The following TOX variants were observed in gnomAD, a reference collection of about 807,000 sequenced individuals.
TOX encodes thymocyte selection-associated high mobility group box protein TOX.
TOX carries 11 observed loss-of-function variants against 53.7 expected under a neutral mutation model. The observed-to-expected ratio is 0.20, with a 90% CI of 0.13 to 0.34. The LOEUF (loss-of-function observed/expected upper bound fraction) is 0.34. TOX is among the 10% of genes least tolerant of loss of function. TOX has a pLI of 1.00. For synonymous variants in TOX, 225 were observed against 245.3 expected (o/e 0.92, Z 0.77); for missense variants, 570 against 664.6 (o/e 0.86, Z 1.56).
intron 1 of TOX, among the ~76,000 whole-genome samples, chr8:58,961,427 A>C (rs1335581682): frequency 6.6e-6 from 1 of 152,216 alleles, no homozygotes; most frequent in Non-Finnish European, 1.5e-5. Flanking sequence ...AAATAGTACA[A>C]GTGGAAAAAG....
intron 3 of TOX, among the ~76,000 whole-genome samples, chr8:58,930,714 A>G (rs1403323829): frequency 6.6e-6 from 1 of 152,224 alleles, no homozygotes; most frequent in Admixed American, 6.5e-5. Flanking sequence ...CTCCAGGTAT[A>G]TAACTGCTAT....
rs1227504857 is a variant in TOX at position 59,118,992 on chromosome 8, C to T, written c.-5G>A. ...TGGATAAAATCTTACGTCCATTTCA[C>T]TCTCACATCAAGCAACTCCTTTTCT... On this transcript the variant is annotated 5_prime_UTR_variant, in exon 1 of 9. In the 5' UTR this introduces an upstream ATG that the reference lacks. Transcript: ENST00000361421. This position sits in a 1 kb window ranked among gnomAD's most constrained non-coding sequence, Gnocchi z 4.1. 1 of 1,591,702 alleles carries T rather than the reference C, an allele frequency of 6.3e-7. No individual in the cohort carries two copies. The highest frequency in any genetic ancestry group is 1.4e-5 in the African/African-American group (1 of 73,274).
At chr8:58,968,259 T>C (rs1353676535) in intron 1 of TOX, among the ~76,000 whole-genome samples, 3 of 152,220 alleles carry the variant, frequency 2.0e-5, no homozygotes, top group African/African-American at 4.8e-5. Flanking sequence ...AATGAAGATA[T>C]GGATTTTACA....
At chr8:58,970,423 T>C (rs944935152) in intron 1 of TOX, among the ~76,000 whole-genome samples, 8 of 152,174 alleles carry the variant, frequency 5.3e-5, no homozygotes, top group African/African-American at 1.7e-4. Flanking sequence ...TAGATGATCA[T>C]AGAATTTATC....
chr8:58,968,805 A>G (rs115468495), intron 1 of TOX, among the ~76,000 whole-genome samples: 3,609 of 152,308 alleles, frequency 0.024, 139 homozygotes, highest in African/African-American at 0.082. Context: ...AAAACAAAAA[A>G]TAAGACTAGT....
At chr8:58,977,729 G>C (rs970741102) in intron 1 of TOX, among the ~76,000 whole-genome samples, 1 of 152,120 alleles carries the variant, frequency 6.6e-6, no homozygotes, top group Non-Finnish European at 1.5e-5. Context: ...TCTGAGGAGA[G>C]GGGGAAAAAT....
At chr8:58,874,233 T>TA (rs72125256) in intron 3 of TOX, among the ~76,000 whole-genome samples, 1 of 151,636 alleles carries the variant, frequency 6.6e-6, no homozygotes, top group Admixed American at 6.6e-5. Flanking sequence ...TAGATTTTTT[T>TA]AAAAAAAACT....
At chr8:59,060,433 C>A (rs139513702) in intron 1 of TOX, among the ~76,000 whole-genome samples, 3,116 of 152,310 alleles carry the variant, frequency 0.02, 38 homozygotes, top group African/African-American at 0.035. Flanking sequence ...TGAGACCAGC[C>A]TGGCCAACAC....
chr8:58,834,716 C>T (rs892502779), intron 5 of TOX, among the ~76,000 whole-genome samples: 5 of 152,180 alleles, frequency 3.3e-5, no homozygotes, highest in African/African-American at 1.2e-4. Flanking sequence ...GTGGCCCAGC[C>T]GGTGCAATGT....
intron 1 of TOX, among the ~76,000 whole-genome samples, chr8:59,109,340 A>C (rs1353192478): frequency 1.3e-5 from 2 of 152,218 alleles, no homozygotes; most frequent in Non-Finnish European, 2.9e-5. Flanking sequence ...AATCTCTTCT[A>C]CGACCTAGCT....
intron 1 of TOX, among the ~76,000 whole-genome samples, chr8:59,075,831 C>A (rs928394043): frequency 1.3e-5 from 2 of 151,974 alleles, no homozygotes; most frequent in Non-Finnish European, 2.9e-5. Context: ...CATGAAGAAA[C>A]CCCGTCTCTA....
intron 1 of TOX, among the ~76,000 whole-genome samples, chr8:58,980,511 A>G (rs1813183435): frequency 6.6e-6 from 1 of 152,230 alleles, no homozygotes; most frequent in Non-Finnish European, 1.5e-5. Context: ...AGTACAAACT[A>G]AGAATAGGTA....
chr8:58,990,841 A>G lies in TOX; in HGVS notation c.103-30833T>C, dbSNP rs1585946707. On this transcript the variant is annotated intron_variant, in intron 1 of 8. Coordinates refer to ENST00000361421, the MANE Select transcript of TOX (RefSeq NM_014729.3). ...CTTCTGCTCCCACAATGTGGGCCAC[A>G]GTTAGGCTAAATGTGTCCCTTGTCC... 2.0e-5 allele frequency among the ~76,000 whole-genome samples: 3 copies of G among 152,186 alleles called. No homozygotes were observed. The South Asian group carries it at 6.2e-4, about 31-fold the overall frequency.
Position 59,070,981 on chromosome 8 carries a change from A to G in TOX, c.102+47905T>C, listed in dbSNP as rs532766650. Among the ~76,000 whole-genome samples the G allele has an allele frequency of 7.2e-5, 11 of 152,346 alleles. No individual in the cohort carries two copies. The East Asian group carries it at 2.1e-3, about 29-fold the overall frequency. ...AGCTAGCAATATCCTTCAAAGTGAG[A>G]AAACATGGTGTTTCTGATTTTTCAG... On this transcript the variant is annotated intron_variant, in intron 1 of 8. Transcript: ENST00000361421.
At chr8:59,083,546 A>G (rs775556615) in intron 1 of TOX, among the ~76,000 whole-genome samples, 2 of 152,216 alleles carry the variant, frequency 1.3e-5, no homozygotes, top group African/African-American at 4.8e-5. Context: ...AGTGCTTTGA[A>G]ATAAATGCTA....
chr8:59,064,755 T>A (rs1253442670), intron 1 of TOX, among the ~76,000 whole-genome samples: 1 of 152,178 alleles, frequency 6.6e-6, no homozygotes, highest in East Asian at 1.9e-4. Flanking sequence ...TCTCTCTGAT[T>A]TCCAATTCTT....
chr8:58,999,703 C>T (rs139364989), intron 1 of TOX, among the ~76,000 whole-genome samples: 252 of 152,200 alleles, frequency 1.7e-3, no homozygotes, highest in Admixed American at 8.1e-3. Flanking sequence ...AACCACTGGA[C>T]GGAGTGGCAC....
intron 1 of TOX, among the ~76,000 whole-genome samples, chr8:59,031,807 C>A (rs1379035692): frequency 6.6e-6 from 1 of 151,928 alleles, no homozygotes; most frequent in Non-Finnish European, 1.5e-5. Flanking sequence ...ATGTGAAGGA[C>A]ATTAAAAATA....
At chr8:58,854,168 T>G (rs1277839487) in intron 3 of TOX, among the ~76,000 whole-genome samples, 2 of 152,206 alleles carry the variant, frequency 1.3e-5, no homozygotes, top group Non-Finnish European at 2.9e-5. Context: ...ATACTTCAAC[T>G]AAATGATCTT....
Sources: allele counts gnomAD v4.1 joint callset (sites outside exome capture counted in the v4.1 genomes callset), GRCh38; gene constraint gnomAD v4.1.1; non-coding constraint Gnocchi (gnomAD v3.1); transcripts MANE v1.5; gene names NCBI Gene and HGNC (gene_info 2026-07-23, HGNC 2026-07-21).